Variants in UBE3C observed in about 807,000 individuals in gnomAD.
The protein encoded by UBE3C is ubiquitin protein ligase E3C.
A neutral mutation model predicts 129.4 loss-of-function variants in UBE3C; 42 were observed. That is an observed-to-expected ratio of 0.32 (90% CI 0.25 to 0.42). The LOEUF is 0.42. UBE3C is among the 10% of genes least tolerant of loss of function. The pLI, the probability that UBE3C is intolerant of heterozygous loss-of-function variation, is 1.00. For synonymous variants in UBE3C, 510 were observed against 492.4 expected, an observed-to-expected ratio of 1.04 and a Z score of -0.47; for missense variants, 1,049 against 1,319.1, an observed-to-expected ratio of 0.80 and a Z score of 3.17.
intron 1 of UBE3C, among the ~76,000 whole-genome samples, chr7:157,142,912 G>A (rs961592468): frequency 7.3e-5 from 11 of 151,534 alleles, no homozygotes; most frequent in Non-Finnish European, 1.6e-4. Flanking sequence ...TGTTGCCCAG[G>A]CTGGAGTGCA....
chr7:157,207,344 A>G lies in UBE3C; in HGVS notation c.1419-54A>G, dbSNP rs1223232042. 14 of 1,576,598 alleles carry G rather than the reference A, an allele frequency of 8.9e-6. No homozygotes were observed. Among genetic ancestry groups the G allele is most frequent in the Admixed American group, 8.2e-5 (4 of 48,620 alleles). ...GATGTTATGTTTTAATTAGTTCCCA[A>G]ACTAAGACTAATTTTAAAGTGACTG... On this transcript the variant is annotated intron_variant, in intron 11 of 22. Transcript: ENST00000348165.
At chr7:157,192,925 C>T (rs1268179134) in intron 10 of UBE3C, 3 of 655,612 alleles carry the variant, frequency 4.6e-6, no homozygotes, top group Admixed American at 2.4e-5. Flanking sequence ...GCCACTTTCC[C>T]CCATTTTAAT....
At chr7:157,204,858 C>G (rs532301262) in intron 11 of UBE3C, among the ~76,000 whole-genome samples, 1 of 152,296 alleles carries the variant, frequency 6.6e-6, no homozygotes, top group East Asian at 1.9e-4. Context: ...TTCTGAAAAC[C>G]TGTTAAAGCA....
At chr7:157,183,743 T>G in intron 8 of UBE3C, 135 bp from the exon 9 acceptor site, 2 of 1,115,942 alleles carry the variant, frequency 1.8e-6, no homozygotes, top group Non-Finnish European at 2.5e-6. Context: ...TTTCCTATTA[T>G]AACACAGTTA....
intron 10 of UBE3C, among the ~76,000 whole-genome samples, chr7:157,197,066 G>A (rs1179786582): frequency 2.6e-5 from 4 of 152,324 alleles, no homozygotes; most frequent in Non-Finnish European, 4.4e-5. Context: ...TCTGATACTA[G>A]TAATATATCT....
At chr7:157,167,192 C>G (rs1427143260) in intron 2 of UBE3C, among the ~76,000 whole-genome samples, 1 of 152,098 alleles carries the variant, frequency 6.6e-6, no homozygotes, top group Admixed American at 6.5e-5. Flanking sequence ...CAGCCTCCCA[C>G]AGTGCTGGGT....
At position 157,172,593 on chromosome 7, in the gene UBE3C, G is replaced by A. The variant is rs190537164; in HGVS notation, c.342+2143G>A. ...TGAAGACTTTCTGTAAACCGAGAAC[G>A]TGCAGAGAAGGAACTGAGAGCCAGT... On this transcript the variant is annotated intron_variant, in intron 4 of 22. Coordinates refer to ENST00000348165, the MANE Select transcript of UBE3C (RefSeq NM_014671.3). Among the ~76,000 whole-genome samples, 14 of 152,230 alleles carry A rather than the reference G, an allele frequency of 9.2e-5. No individual in the cohort carries two copies. The South Asian group carries it at 1.0e-3, about 11-fold the overall frequency.
At position 157,156,713 on chromosome 7, in the gene UBE3C, T is replaced by TAAA. The variant is rs555689452; in HGVS notation, c.67-7082_67-7080dup. On this transcript the variant is annotated intron_variant, in intron 1 of 22. Coordinates refer to ENST00000348165, the MANE Select transcript of UBE3C (RefSeq NM_014671.3). ...ATAGGTGTGTAAATTCCCTTCTTTT[T>TAAA]AAAAAAAAAAAAAAAAACACAAGCT... 3.6e-5 allele frequency among the ~76,000 whole-genome samples: 5 copies of TAAA among 140,536 alleles called. No homozygotes were observed. In the East Asian group the frequency reaches 8.4e-4, roughly 24 times the overall value. 92.2% of individuals were successfully genotyped at this position (140,536 alleles called of 152,430 possible). A position where few individuals can be genotyped will look rare whatever the true frequency, so the allele number is the denominator to read the frequency against.
intron 2 of UBE3C, among the ~76,000 whole-genome samples, chr7:157,165,483 C>T (rs1212186652): frequency 5.9e-5 from 9 of 151,682 alleles, no homozygotes; most frequent in African/African-American, 4.8e-5. Flanking sequence ...CTGCAACCTC[C>T]GCCTTCCAGG....
intron 18 of UBE3C, among the ~76,000 whole-genome samples, chr7:157,244,824 A>G (rs540454015): frequency 6.6e-6 from 1 of 152,342 alleles, no homozygotes; most frequent in South Asian, 2.1e-4. Flanking sequence ...CAGTTGAAAA[A>G]TTCGTTACAG....
At chr7:157,147,189 T>C (rs1260819432) in intron 1 of UBE3C, among the ~76,000 whole-genome samples, 2 of 152,234 alleles carry the variant, frequency 1.3e-5, no homozygotes, top group African/African-American at 4.8e-5. Context: ...TTAATTTGTT[T>C]AGTTCTTTTA....
chr7:157,239,805 A>G (rs550847508), intron 18 of UBE3C, among the ~76,000 whole-genome samples: 1 of 152,300 alleles, frequency 6.6e-6, no homozygotes, highest in South Asian at 2.1e-4. Context: ...GTGCTGAAGC[A>G]GGGGGCGCCA....
intron 21 of UBE3C, 87 bp downstream of exon 21, chr7:157,254,397 T>TATTAATTTATTA (rs138121126): frequency 1.4e-6 from 1 of 692,014 alleles, no homozygotes; most frequent in Admixed American, 4.6e-5. Context: ...TTAATTAATT[T>TATTAATTTATTA]ATTTATTTTT....
At chr7:157,171,709 T>A (rs1488536171) in intron 4 of UBE3C, among the ~76,000 whole-genome samples, 4,658 of 56,122 alleles carry the variant, frequency 0.083, 320 homozygotes, top group Non-Finnish European at 0.097. Context: ...TTTTTTTTTT[T>A]TTTTTTTTTT....
At chr7:157,141,655 G>A (rs990731366) in intron 1 of UBE3C, among the ~76,000 whole-genome samples, 5 of 152,220 alleles carry the variant, frequency 3.3e-5, no homozygotes, top group African/African-American at 1.2e-4. Context: ...GTTGTCGACA[G>A]ACTGAGAGGT....
At chr7:157,240,095 T>G (rs1202242318) in intron 18 of UBE3C, among the ~76,000 whole-genome samples, 2 of 151,626 alleles carry the variant, frequency 1.3e-5, no homozygotes, top group South Asian at 2.1e-4. Context: ...TTTTTTGGGG[T>G]TTTTTGAGAC....
intron 1 of UBE3C, among the ~76,000 whole-genome samples, chr7:157,146,412 G>A (rs1807606945): frequency 2.1e-5 from 1 of 47,028 alleles, no homozygotes; most frequent in South Asian, 5.3e-4. Flanking sequence ...AGTACAGACG[G>A]GGGTTTCACC....
intron 9 of UBE3C, among the ~76,000 whole-genome samples, chr7:157,185,905 T>G (rs1015452399): frequency 3.9e-5 from 6 of 152,118 alleles, no homozygotes; most frequent in Non-Finnish European, 4.4e-5. Context: ...TAAATTGTAT[T>G]CATCCAAGTT....
intron 1 of UBE3C, among the ~76,000 whole-genome samples, chr7:157,146,968 C>G (rs1402978119): frequency 6.6e-6 from 1 of 152,118 alleles, no homozygotes; most frequent in African/African-American, 2.4e-5. Context: ...GCATTGAAGT[C>G]TGGTAGTGTG....
Sources: gnomAD v4.1 joint callset for allele counts (sites outside exome capture counted in the v4.1 genomes callset) on GRCh38, gnomAD v4.1.1 for gene constraint, MANE v1.5 for transcripts, NCBI Gene and HGNC (gene_info 2026-07-23, HGNC 2026-07-21) for gene names.